ME3: variants seen among roughly 807,000 people sequenced by gnomAD.
ME3 encodes malic enzyme 3, also known as NADP-dependent malic enzyme, mitochondrial.
A neutral mutation model predicts 68.9 loss-of-function variants in ME3; 48 were observed. The observed-to-expected ratio is 0.70, with a 90% CI of 0.55 to 0.89. The LOEUF (loss-of-function observed/expected upper bound fraction) is 0.89. Ranked by LOEUF, ME3 falls within the 40% of genes least tolerant of loss-of-function variation. The pLI, the probability that ME3 is intolerant of heterozygous loss-of-function variation, is 0.00. For missense variants in ME3, 675 were observed against 797.4 expected (o/e 0.85, Z 1.85); for synonymous variants, 320 against 318.8 (o/e 1.00, Z -0.04).
At chr11:86,483,184 C>T (rs1951509396) in intron 7 of ME3, among the ~76,000 whole-genome samples, 2 of 152,260 alleles carry the variant, frequency 1.3e-5, no homozygotes, top group African/African-American at 4.8e-5. Context: ...TATATTTGAA[C>T]AGAAACCTTT....
chr11:86,462,563 C>G, intron 8 of ME3: 1 of 1,276,320 alleles, frequency 7.8e-7, no homozygotes, highest in East Asian at 5.6e-5. Flanking sequence ...TAGACATACT[C>G]ACATGAACAG....
At chr11:86,615,366 G>T (rs1414227550) in intron 2 of ME3, among the ~76,000 whole-genome samples, 1 of 152,034 alleles carries the variant, frequency 6.6e-6, no homozygotes, top group East Asian at 1.9e-4. Context: ...AACTTATTTT[G>T]TCCTCCCCCA....
At chr11:86,612,166 G>T (rs1282531766) in intron 2 of ME3, among the ~76,000 whole-genome samples, 3 of 152,086 alleles carry the variant, frequency 2.0e-5, no homozygotes, top group African/African-American at 7.2e-5. Context: ...TGTGGTGTTT[G>T]GTTTTCTGTT....
intron 4 of ME3, among the ~76,000 whole-genome samples, chr11:86,516,030 C>T (rs1169965948): frequency 2.0e-5 from 3 of 152,114 alleles, no homozygotes; most frequent in Non-Finnish European, 2.9e-5. Context: ...GCTAATGACT[C>T]CTCTGAGTCA....
exon 8 of ME3, chr11:86,465,185 G>A (rs1430683433): frequency 2.5e-6 from 4 of 1,612,996 alleles, no homozygotes; most frequent in East Asian, 2.2e-5. Context: ...ATTGGATGAG[G>A]CAATTTATTC....
At chr11:86,658,056 G>A (rs1374187866) in intron 2 of ME3, among the ~76,000 whole-genome samples, 10 of 152,124 alleles carry the variant, frequency 6.6e-5, no homozygotes, top group African/African-American at 2.2e-4. Context: ...CCTCATATAT[G>A]AGGCGGTCTT....
chr11:86,596,881 G>C (rs1028400137), intron 2 of ME3, among the ~76,000 whole-genome samples: 1 of 152,094 alleles, frequency 6.6e-6, no homozygotes, highest in Non-Finnish European at 1.5e-5. Context: ...TCAGAACCAG[G>C]TCATAGATGA....
intron 7 of ME3, among the ~76,000 whole-genome samples, chr11:86,473,821 G>A (rs79097087): frequency 0.045 from 6,802 of 152,210 alleles, 362 homozygotes; most frequent in African/African-American, 0.13. Context: ...GAGGGAATAC[G>A]GAGCCTGAGA....
At chr11:86,615,377 A>G (rs547529135) in intron 2 of ME3, among the ~76,000 whole-genome samples, 93 of 152,298 alleles carry the variant, frequency 6.1e-4, no homozygotes, top group Non-Finnish European at 1.0e-3. Flanking sequence ...TCCTCCCCCA[A>G]TTCTCATAAA....
chr11:86,449,851 G>T, intron 10 of ME3, 38 bp downstream of exon 10: 1 of 1,476,464 alleles, frequency 6.8e-7, no homozygotes, highest in Non-Finnish European at 9.4e-7. Context: ...GGAGCTATAA[G>T]GTGTCAGGAA....
chr11:86,656,350 A>G (rs2135463222), intron 2 of ME3, among the ~76,000 whole-genome samples: 1 of 152,006 alleles, frequency 6.6e-6, no homozygotes, highest in South Asian at 2.1e-4. Context: ...GAACCAACCC[A>G]AATGTCCAAC....
In ME3 at chr11:86,447,060, C is replaced by T. The variant is rs1365226030; in HGVS notation, c.1380+5G>A. ...AGCCGGGGGAAGGAAGGACTCCCCG[C>T]TGACCTCGGTGACCCGGTAGCACTT... On this transcript the variant is annotated splice_donor_5th_base_variant and intron_variant, in intron 12 of 14. Coordinates refer to ENST00000543262, the Ensembl canonical transcript of ME3. The T allele has an allele frequency of 6.2e-7, 1 of 1,613,608 alleles. No homozygotes were observed.
At chr11:86,475,977 A>G (rs2138834382) in intron 7 of ME3, among the ~76,000 whole-genome samples, 1 of 152,122 alleles carries the variant, frequency 6.6e-6, no homozygotes, top group East Asian at 1.9e-4. Flanking sequence ...CCTGTGAAAC[A>G]TTGCAATCGG....
chr11:86,664,554 A>T (rs116501663), intron 2 of ME3, among the ~76,000 whole-genome samples: 89 of 152,240 alleles, frequency 5.8e-4, no homozygotes, highest in Non-Finnish European at 7.5e-4. Context: ...ACCCCATTCC[A>T]TATTTCCTTG....
At chr11:86,538,623 C>T (rs971184562) in intron 4 of ME3, among the ~76,000 whole-genome samples, 6 of 152,152 alleles carry the variant, frequency 3.9e-5, no homozygotes, top group African/African-American at 1.4e-4. Flanking sequence ...CTTGGATTTC[C>T]ATCTCTCATT....
intron 4 of ME3, among the ~76,000 whole-genome samples, chr11:86,518,106 C>T (rs746319343): frequency 1.4e-4 from 22 of 152,112 alleles, no homozygotes; most frequent in Non-Finnish European, 2.5e-4. Context: ...AAATTTCCAG[C>T]CATTTGAGTT....
intron 2 of ME3, among the ~76,000 whole-genome samples, chr11:86,629,348 T>C (rs997586975): frequency 9.6e-5 from 14 of 146,474 alleles, no homozygotes; most frequent in Admixed American, 5.5e-4. Flanking sequence ...ATTTATTTGT[T>C]TTCTTAAAGA....
chr11:86,526,811 T>G (rs2139231332), intron 4 of ME3, among the ~76,000 whole-genome samples: 1 of 152,314 alleles, frequency 6.6e-6, no homozygotes. Flanking sequence ...GGGTCCTAAC[T>G]GTTAGAAGGA....
At chr11:86,608,284 T>C (rs1484669214) in intron 2 of ME3, among the ~76,000 whole-genome samples, 3 of 152,156 alleles carry the variant, frequency 2.0e-5, no homozygotes, top group Non-Finnish European at 4.4e-5. Context: ...GCCGTGTACC[T>C]CTTGAGTCCA....
Sources: allele counts gnomAD v4.1 joint callset (sites outside exome capture counted in the v4.1 genomes callset), GRCh38; gene constraint gnomAD v4.1.1; transcripts MANE v1.5; gene names NCBI Gene and HGNC (gene_info 2026-07-23, HGNC 2026-07-21).